The following SBF2 variants were observed in gnomAD, a reference collection of about 807,000 sequenced individuals.
SBF2 encodes the protein myotubularin-related protein 13.
Under a neutral mutation model 225.2 loss-of-function variants are expected in SBF2, and 112 were observed. The observed-to-expected ratio is 0.50, with a 90% confidence interval of 0.43 to 0.58. The LOEUF is 0.58. Among genes scored for constraint, SBF2 ranks in the 20% least tolerant of loss-of-function variants. The probability of loss-of-function intolerance (pLI) is 0.00; values close to 1 mark genes in which losing one functional copy is unlikely to be tolerated. For missense variants in SBF2, 1,996 were observed against 2,206.2 expected (o/e 0.90, Z 1.91); for synonymous variants, 763 against 773.3 (o/e 0.99, Z 0.22).
At chr11:10,101,116 A>G (rs1679255248) in intron 2 of SBF2, among the ~76,000 whole-genome samples, 1 of 152,150 alleles carries the variant, frequency 6.6e-6, no homozygotes, top group Non-Finnish European at 1.5e-5. Context: ...AGCAGGCCTA[A>G]CTCAGAGAAC....
chr11:10,218,542 A>G (rs926321091), intron 1 of SBF2, among the ~76,000 whole-genome samples: 5 of 152,022 alleles, frequency 3.3e-5, no homozygotes, highest in African/African-American at 1.2e-4. Flanking sequence ...CATTAACTCA[A>G]AAGTCCACAG....
intron 28 of SBF2, among the ~76,000 whole-genome samples, chr11:9,827,314 G>C (rs1428175743): frequency 1.3e-5 from 2 of 152,152 alleles, no homozygotes; most frequent in East Asian, 3.9e-4. Context: ...GACTGCTTCA[G>C]GCCAGGAGTT....
intron 2 of SBF2, among the ~76,000 whole-genome samples, chr11:10,155,992 C>T (rs963802111): frequency 5.3e-5 from 8 of 152,160 alleles, no homozygotes; most frequent in East Asian, 3.9e-4. Context: ...GTGGGAGCCC[C>T]GCCCCCTACC....
chr11:10,291,671 C>T (rs1354689359), intron 1 of SBF2, among the ~76,000 whole-genome samples: 1 of 122,542 alleles, frequency 8.2e-6, no homozygotes, highest in African/African-American at 2.8e-5. Context: ...CACACACACA[C>T]ACACACACAC....
intron 38 of SBF2, 34 bp from the exon 39 acceptor site, chr11:9,781,672 G>T: frequency 6.2e-7 from 1 of 1,613,674 alleles, no homozygotes; most frequent in Non-Finnish European, 8.5e-7. Context: ...AGATATAAGA[G>T]ACAGAAAGAG....
intron 2 of SBF2, among the ~76,000 whole-genome samples, chr11:10,109,677 T>C (rs1405449830): frequency 6.6e-6 from 1 of 152,176 alleles, no homozygotes; most frequent in Non-Finnish European, 1.5e-5. Context: ...CGAAGTAAGA[T>C]GGTATAATTT....
intron 1 of SBF2, among the ~76,000 whole-genome samples, chr11:10,235,293 G>T (rs1959020671): frequency 6.6e-6 from 1 of 152,184 alleles, no homozygotes; most frequent in African/African-American, 2.4e-5. Context: ...CCAACACTTT[G>T]GGAGGCCAAG....
At chr11:10,085,231 T>C (rs1234613345) in intron 2 of SBF2, among the ~76,000 whole-genome samples, 1 of 152,234 alleles carries the variant, frequency 6.6e-6, no homozygotes, top group Non-Finnish European at 1.5e-5. Context: ...CAAAACCTTT[T>C]AGCAATTATT....
chr11:9,888,270 G>C (rs1041853374), intron 17 of SBF2, among the ~76,000 whole-genome samples: 4 of 152,186 alleles, frequency 2.6e-5, no homozygotes, highest in African/African-American at 7.2e-5. Flanking sequence ...AGCCAAGGGG[G>C]AGGATCACTT....
intron 1 of SBF2, among the ~76,000 whole-genome samples, chr11:10,292,851 A>G (rs1964255148): frequency 6.6e-6 from 1 of 152,172 alleles, no homozygotes; most frequent in Non-Finnish European, 1.5e-5. Flanking sequence ...AAGTTTAAAC[A>G]TTTAAACTTT....
intron 33 of SBF2, chr11:9,791,304 G>T (rs1482453592): frequency 6.6e-6 from 1 of 151,858 alleles, no homozygotes; most frequent in Admixed American, 6.6e-5. Context: ...GGAGGAAAAT[G>T]TGTTGGGGTG....
At chr11:10,022,274 AACG>A (rs1948889379) in intron 6 of SBF2, among the ~76,000 whole-genome samples, 1 of 152,198 alleles carries the variant, frequency 6.6e-6, no homozygotes, top group Non-Finnish European at 1.5e-5. Context: ...GAATTTCTGT[AACG>A]TCCCTGAAGA....
intron 33 of SBF2, 66 bp from the exon 34 acceptor site, chr11:9,790,749 A>T (rs1405654780): frequency 8.1e-7 from 1 of 1,234,994 alleles, no homozygotes; most frequent in Non-Finnish European, 1.2e-6. Context: ...AAAACGTATG[A>T]TGCATGCAGC....
chr11:9,875,560 C>T (rs1481892600), intron 17 of SBF2, among the ~76,000 whole-genome samples: 5 of 152,090 alleles, frequency 3.3e-5, no homozygotes, highest in African/African-American at 4.8e-5. Context: ...GTTTCCATAA[C>T]AGGATAGAAA....
intron 1 of SBF2, among the ~76,000 whole-genome samples, chr11:10,231,765 T>G (rs1022080794): frequency 6.6e-6 from 1 of 152,196 alleles, no homozygotes; most frequent in Non-Finnish European, 1.5e-5. Flanking sequence ...AGGGACCCAC[T>G]TGAGGAGGCA....
chr11:9,890,696 A>C (rs1860728703), intron 17 of SBF2, among the ~76,000 whole-genome samples: 1 of 152,208 alleles, frequency 6.6e-6, no homozygotes, highest in Non-Finnish European at 1.5e-5. Context: ...AGTATCAATA[A>C]CCAACAGATG....
At chr11:9,843,473 C>T (rs1248637247) in intron 24 of SBF2, among the ~76,000 whole-genome samples, 2 of 152,086 alleles carry the variant, frequency 1.3e-5, no homozygotes, top group African/African-American at 2.4e-5. Context: ...ACAATTTAAC[C>T]CTTCTTGCTG....
intron 2 of SBF2, among the ~76,000 whole-genome samples, chr11:10,169,873 T>C (rs1956119203): frequency 6.6e-6 from 1 of 152,158 alleles, no homozygotes; most frequent in Non-Finnish European, 1.5e-5. Context: ...ATAAGCCATT[T>C]TAACTGGGGT....
intron 2 of SBF2, among the ~76,000 whole-genome samples, chr11:10,094,191 C>A (rs936337510): frequency 6.6e-6 from 1 of 151,972 alleles, no homozygotes; most frequent in Non-Finnish European, 1.5e-5. Flanking sequence ...TTAGTGGTGG[C>A]GCATGCCTGT....
Sources: gnomAD v4.1 joint callset for allele counts (sites outside exome capture counted in the v4.1 genomes callset) on GRCh38, gnomAD v4.1.1 for gene constraint, MANE v1.5 for transcripts, NCBI Gene and HGNC (gene_info 2026-07-23, HGNC 2026-07-21) for gene names.